MMP26: variants seen among roughly 807,000 people sequenced by gnomAD.
The protein encoded by MMP26 is matrix metalloproteinase-26.
Under a neutral mutation model 31.0 loss-of-function variants are expected in MMP26, and 33 were observed. That is an observed-to-expected ratio of 1.06 (90% CI 0.81 to 1.42). The LOEUF is 1.42. MMP26 is among the 40% of genes most tolerant of loss of function. MMP26 has a pLI of 0.00. For missense variants in MMP26, 347 were observed against 316.1 expected, an observed-to-expected ratio of 1.10 and a Z score of -0.74; for synonymous variants, 122 against 114.9, an observed-to-expected ratio of 1.06 and a Z score of -0.40.
At position 4,914,964 on chromosome 11, in the gene MMP26, C is replaced by T. The variant is rs761017743; in HGVS notation, c.-144-73104C>T. The T allele has an allele frequency of 8.0e-5, 129 of 1,614,066 alleles. No individual in the cohort carries two copies. Among genetic ancestry groups the T allele is most frequent in the South Asian group, 3.4e-4 (31 of 91,076 alleles). Reference sequence around the variant, plus strand: ...GCCTTGAATCTCTCAGCCCTGGAGGCGATGGACAGCACGGTGCGCAGGATC... The same window carrying T: ...GCCTTGAATCTCTCAGCCCTGGAGGTGATGGACAGCACGGTGCGCAGGATC... On this transcript the variant is annotated intron_variant, in intron 2 of 7. Transcript: ENST00000380390.
In MMP26 at chr11:4,985,066, T is replaced by C. The variant is rs144727920; in HGVS notation, c.-144-3002T>C. Among the ~76,000 whole-genome samples the C allele has an allele frequency of 7.2e-5, 11 of 152,292 alleles. No individual in the cohort carries two copies. The East Asian group carries it at 1.7e-3, about 24-fold the overall frequency. ...ATTCCACTGAGCTTAGGTTTTTGAA[T>C]GTATTCAGGCCATAGAAACATCAAA... is the stretch of plus-strand genomic sequence containing the variant. On this transcript the variant is annotated intron_variant, in intron 2 of 7. Coordinates refer to ENST00000380390, the MANE Select transcript of MMP26 (RefSeq NM_021801.5).
chr11:4,934,106 G>A (rs1851395171), intron 2 of MMP26, among the ~76,000 whole-genome samples: 1 of 119,882 alleles, frequency 8.3e-6, no homozygotes, highest in African/African-American at 3.2e-5. Context: ...GGATGGCTGG[G>A]TCAAATGGTA....
chr11:4,929,388 T>C (rs1851315379), intron 2 of MMP26, among the ~76,000 whole-genome samples: 1 of 152,130 alleles, frequency 6.6e-6, no homozygotes, highest in Admixed American at 6.6e-5. Context: ...TACAAAATGT[T>C]TGTCAGCAGG....
intron 2 of MMP26, among the ~76,000 whole-genome samples, chr11:4,868,885 A>G (rs549771821): frequency 3.9e-5 from 6 of 152,208 alleles, no homozygotes; most frequent in Non-Finnish European, 7.3e-5. Flanking sequence ...GACCAATGGA[A>G]CAGAACAGAG....
intron 2 of MMP26, among the ~76,000 whole-genome samples, chr11:4,778,208 C>G (rs1260520156): frequency 6.6e-6 from 1 of 152,020 alleles, no homozygotes; most frequent in East Asian, 1.9e-4. Flanking sequence ...TTCTTTATGA[C>G]TAATAGGGTG....
chr11:4,748,576 C>CAAAAAAAAAA (rs376553434), intron 1 of MMP26, among the ~76,000 whole-genome samples: 1 of 122,718 alleles, frequency 8.1e-6, no homozygotes, highest in Non-Finnish European at 1.8e-5. Flanking sequence ...AACAGCACAT[C>CAAAAAAAAAA]AAAAAAAAAA....
intron 2 of MMP26, among the ~76,000 whole-genome samples, chr11:4,987,158 A>G (rs1352235610): frequency 6.6e-6 from 1 of 151,916 alleles, no homozygotes; most frequent in Non-Finnish European, 1.5e-5. Context: ...CTGGGATTAC[A>G]GGTGTGAGCC....
chr11:4,749,676 G>T (rs954007830), intron 1 of MMP26, among the ~76,000 whole-genome samples: 2 of 152,066 alleles, frequency 1.3e-5, no homozygotes, highest in African/African-American at 4.8e-5. Context: ...ATACACTGGG[G>T]AAAGGACAGA....
chr11:4,846,266 T>C (rs1465124382), intron 2 of MMP26, among the ~76,000 whole-genome samples: 1 of 152,124 alleles, frequency 6.6e-6, no homozygotes, highest in African/African-American at 2.4e-5. Context: ...TGGATGAAAT[T>C]AAAGGTCATT....
At chr11:4,882,666 C>T (rs1850491582) in intron 2 of MMP26, 1 of 1,613,912 alleles carries the variant, frequency 6.2e-7, no homozygotes, top group Middle Eastern at 1.7e-4. Flanking sequence ...TTCTATGTGC[C>T]ACTGATCAGC....
At chr11:4,924,244 G>T in intron 2 of MMP26, 1 of 1,614,194 alleles carries the variant, frequency 6.2e-7, no homozygotes, top group Non-Finnish European at 8.5e-7. Flanking sequence ...TGAAGCAGAA[G>T]GGAATAGAGA....
chr11:4,840,611 A>G (rs1356002906), intron 2 of MMP26, among the ~76,000 whole-genome samples: 1 of 152,238 alleles, frequency 6.6e-6, no homozygotes, highest in African/African-American at 2.4e-5. Context: ...GAAGCACAGC[A>G]TTACTGGGCT....
rs1426032737 is a variant in MMP26 at position 4,862,033 on chromosome 11, T to G, written c.-145+94692T>G. ...CCGTCTTTAAGTTCCTGGGTCCCAGTGAGATACTTCCTGATGTAGAATTTC... is the reference window on the plus strand; with the variant it reads ...CCGTCTTTAAGTTCCTGGGTCCCAGGGAGATACTTCCTGATGTAGAATTTC... On this transcript the variant is annotated intron_variant, in intron 2 of 7. Coordinates refer to ENST00000380390, the MANE Select transcript of MMP26 (RefSeq NM_021801.5). 2.0e-5 allele frequency among the ~76,000 whole-genome samples: 3 copies of G among 152,164 alleles called. No individual in the cohort carries two copies. In the East Asian group the frequency reaches 5.8e-4, roughly 29 times the overall value.
intron 2 of MMP26, chr11:4,882,504 T>G: frequency 6.2e-7 from 1 of 1,613,970 alleles, no homozygotes. Flanking sequence ...TTTTGGGGAC[T>G]GTTTCTTCAG....
At chr11:4,740,595 A>T (rs948797630) in intron 1 of MMP26, among the ~76,000 whole-genome samples, 9 of 151,664 alleles carry the variant, frequency 5.9e-5, no homozygotes, top group Non-Finnish European at 1.2e-4. Flanking sequence ...AGGCAGGAGA[A>T]TCTCTTGAAC....
At chr11:4,857,154 T>C (rs751597361) in intron 2 of MMP26, among the ~76,000 whole-genome samples, 1 of 151,300 alleles carries the variant, frequency 6.6e-6, no homozygotes, top group Non-Finnish European at 1.5e-5. Flanking sequence ...AACATCACAA[T>C]TAAAAGAACT....
At chr11:4,879,454 A>G (rs1330765783) in intron 2 of MMP26, among the ~76,000 whole-genome samples, 1 of 152,134 alleles carries the variant, frequency 6.6e-6, no homozygotes, top group East Asian at 1.9e-4. Flanking sequence ...AGAAGGTAGT[A>G]TAGCATGATG....
At chr11:4,986,932 C>CTCCCTCTCTCTCTCTCT (rs1564819722) in intron 2 of MMP26, among the ~76,000 whole-genome samples, 2 of 60,408 alleles carry the variant, frequency 3.3e-5, no homozygotes, top group African/African-American at 1.4e-4. Flanking sequence ...TCTCTCTCTC[C>CTCCCTCTCTCTCTCTCT]CTCTCTCTCT....
At chr11:4,814,439 G>C (rs1034942508) in intron 2 of MMP26, among the ~76,000 whole-genome samples, 1 of 152,118 alleles carries the variant, frequency 6.6e-6, no homozygotes, top group Non-Finnish European at 1.5e-5. Context: ...CTGAAAAAAA[G>C]TAAATATAGA....
Sources: gnomAD v4.1 joint callset for allele counts (sites outside exome capture counted in the v4.1 genomes callset) on GRCh38, gnomAD v4.1.1 for gene constraint, MANE v1.5 for transcripts, NCBI Gene and HGNC (gene_info 2026-07-23, HGNC 2026-07-21) for gene names.